MAZ: variants seen among roughly 807,000 people sequenced by gnomAD.
MAZ encodes myc-associated zinc finger protein.
MAZ carries 4 observed loss-of-function variants against 32.7 expected under a neutral mutation model. That is an observed-to-expected ratio of 0.12 (90% CI 0.06 to 0.28). MAZ has a LOEUF of 0.28. Ranked by LOEUF, MAZ falls within the 10% of genes least tolerant of loss-of-function variation. The pLI is 1.00. For missense variants in MAZ, 763 were observed against 667.2 expected (o/e 1.14, Z -1.58); for synonymous variants, 510 against 297.6 (o/e 1.71, Z -7.35).
In MAZ at chr16:29,807,289, C is replaced by G; in HGVS notation, c.504C>G (p.Thr168=). ...AAAATAVVAP[T]STVAVAPVAS... The stretch of plus-strand genomic sequence containing the variant: ...CGGCCACCGCCGTCGTAGCCCCAAC[C>G]TCGACGGTCGCCGTGGCCCCGGTCG... Residue 168 remains threonine (T), a synonymous_variant, in exon 2 of 5, where the codon ACC becomes ACG. Transcript: ENST00000322945. 6 of 1,551,578 alleles carry G rather than the reference C, an allele frequency of 3.9e-6. No individual in the cohort carries two copies. Among genetic ancestry groups the G allele is most frequent in the Non-Finnish European group, 5.2e-6 (6 of 1,152,070 alleles).
In MAZ at chr16:29,807,718, G is replaced by A. The variant is rs1899604757; in HGVS notation, c.933G>A (p.Val311=). Residue 311 remains valine, a synonymous_variant, in exon 2 of 5, where the codon GTG becomes GTA. Coordinates refer to ENST00000322945, the MANE Select transcript of MAZ (RefSeq NM_002383.4). ...HSDEKPYQCP[V]CQQRFKRKDR... ...ACGAGAAGCCCTACCAGTGCCCGGT[G>A]TGCCAGCAGCGCTTCAAGCGCAAGG... The A allele has an allele frequency of 6.2e-7, 1 of 1,612,802 alleles. No individual in the cohort carries two copies. The highest frequency in any genetic ancestry group is 1.3e-5 in the African/African-American group (1 of 74,942).
chr16:29,806,187 ACTCC>A, upstream of MAZ: 1 of 573,798 alleles, frequency 1.7e-6, no homozygotes, highest in Non-Finnish European at 2.4e-6. Context: ...CCAGGTAACA[ACTCC>A]CTCCCCCCGC....
intron 3 of MAZ, 106 bp from the exon 4 acceptor site, chr16:29,808,464 A>G: frequency 9.9e-7 from 1 of 1,011,038 alleles, no homozygotes. Context: ...CCTACAGATC[A>G]AAGATCCCCA....
At chr16:29,808,794 C>G in intron 4 of MAZ, 53 bp downstream of exon 4, 4 of 1,576,926 alleles carry the variant, frequency 2.5e-6, no homozygotes, top group Non-Finnish European at 3.5e-6. Context: ...GGCGCCTGGC[C>G]AGACGCCTTG....
chr16:29,809,168 G>C (rs1337875058), intron 4 of MAZ: 1 of 492,324 alleles, frequency 2.0e-6, no homozygotes, highest in East Asian at 3.6e-5. Context: ...CCTTCAGTCA[G>C]ACTCACCGGT....
chr16:29,810,337 G>C lies in MAZ; in HGVS notation c.*106G>C, dbSNP rs916596834. 34 of 1,159,552 alleles carry C rather than the reference G, an allele frequency of 2.9e-5. No individual in the cohort carries two copies. The highest frequency in any genetic ancestry group is 3.5e-5 in the Non-Finnish European group (28 of 797,664). 71.8% of individuals were successfully genotyped at this position (1,159,552 alleles called of 1,614,324 possible). On this transcript the variant is annotated 3_prime_UTR_variant, in exon 5 of 5. Transcript: ENST00000322945. Reference sequence around the variant, plus strand: ...CAACTCCTATTTCCCTACCAACCAAGGAGCCTCCAGAAGGAAAGGAGGAAG... The same window carrying C: ...CAACTCCTATTTCCCTACCAACCAACGAGCCTCCAGAAGGAAAGGAGGAAG...
chr16:29,807,665 CTGAA>C lies in MAZ; in HGVS notation c.881_884del (p.Leu294ProfsTer28). The C allele has an allele frequency of 6.2e-7, 1 of 1,612,912 alleles. No individual in the cohort carries two copies. Among genetic ancestry groups the C allele is most frequent in the Non-Finnish European group, 8.5e-7 (1 of 1,179,962 alleles). ...CAAGGCCTTCCGCGACGTCTACCAC[CTGAA>C]CCGACACAAGCTGTCGCACTCGGAC... On this transcript the variant is annotated frameshift_variant, in exon 2 of 5. Coordinates refer to ENST00000322945, the MANE Select transcript of MAZ (RefSeq NM_002383.4). LOFTEE classifies it high-confidence loss of function.
At chr16:29,808,836 A>G (rs765892059) in intron 4 of MAZ, 95 bp downstream of exon 4, 1 of 1,302,126 alleles carries the variant, frequency 7.7e-7, no homozygotes, top group South Asian at 1.4e-5. Flanking sequence ...GCTGTAGCCA[A>G]GAGCTCGTGG....
chr16:29,807,803 T>C lies in MAZ; in HGVS notation c.1018T>C (p.Ser340Pro), dbSNP rs968761986. ...CGCTGTGCACAAGCCCTACAACTGCTCCCACTGTGGCAAGAGCTTCTCCCG... is the reference window on the plus strand; with the variant it reads ...CGCTGTGCACAAGCCCTACAACTGCCCCCACTGTGGCAAGAGCTTCTCCCG... ...DGAVHKPYNC[S>P]HCGKSFSRPD... Residue 340 changes from serine (S) to proline (P), a missense_variant, in exon 2 of 5, where the codon TCC (serine) becomes CCC (proline). By Grantham distance (74) the Ser-to-Pro change is moderately conservative. Coordinates refer to ENST00000322945, the MANE Select transcript of MAZ (RefSeq NM_002383.4). 4 of 1,609,574 alleles carry C rather than the reference T, an allele frequency of 2.5e-6. No homozygotes were observed. Among genetic ancestry groups the C allele is most frequent in the Non-Finnish European group, 2.5e-6 (3 of 1,179,780 alleles).
At chr16:29,808,824 G>C (rs764808375) in intron 4 of MAZ, 83 bp downstream of exon 4, 1 of 1,420,786 alleles carries the variant, frequency 7.0e-7, no homozygotes, top group Non-Finnish European at 9.6e-7. Flanking sequence ...CGGGTTAAGG[G>C]TGCTGTAGCC....
rs1041384519 is a variant in MAZ at position 29,810,305 on chromosome 16, T to C, written c.*74T>C. On this transcript the variant is annotated 3_prime_UTR_variant, in exon 5 of 5. Coordinates refer to ENST00000322945, the MANE Select transcript of MAZ (RefSeq NM_002383.4). Reference sequence around the variant, plus strand: ...GGTACAAGCTCCTCTCCCCCCTCTTTTCCCACCAACTCCTATTTCCCTACC... The same window carrying C: ...GGTACAAGCTCCTCTCCCCCCTCTTCTCCCACCAACTCCTATTTCCCTACC... 1.4e-6 allele frequency: 2 copies of C among 1,429,220 alleles called. No individual in the cohort carries two copies. The highest frequency in any genetic ancestry group is 2.8e-5 in the African/African-American group (2 of 70,670). The allele number at this position is 1,429,220 out of a possible 1,614,324, so 88.5% of individuals were successfully genotyped here.
At chr16:29,809,374 CTG>C in intron 4 of MAZ, 1 of 606,624 alleles carries the variant, frequency 1.6e-6, no homozygotes, top group East Asian at 2.8e-5. Context: ...CAGGGAGGGG[CTG>C]TGTCTACCAG....
intron 4 of MAZ, chr16:29,809,460 C>T: frequency 2.3e-6 from 2 of 874,862 alleles, no homozygotes; most frequent in Admixed American, 2.1e-5. Flanking sequence ...AGGAGGGCAT[C>T]CCCCGCCTAG....
rs1377507423 is a variant in MAZ at position 29,807,135 on chromosome 16, C to T, written c.350C>T (p.Ala117Val). 4.8e-6 allele frequency: 5 copies of T among 1,039,630 alleles called. No homozygotes were observed. The highest frequency in any genetic ancestry group is 5.9e-6 in the Non-Finnish European group (5 of 843,794). 64.4% of individuals were successfully genotyped at this position (1,039,630 alleles called of 1,614,324 possible). ...AAVAAAPPAP[A>V]AASTVDTAAL... The stretch of plus-strand genomic sequence containing the variant: ...GTCGCTGCCGCGCCCCCGGCCCCTG[C>T]CGCCGCCTCTACGGTGGACACAGCG... Residue 117 changes from alanine (A) to valine (V), a missense_variant, in exon 2 of 5, where the codon GCC (alanine) becomes GTC (valine). Transcript: ENST00000322945.
chr16:29,806,981 GCGCCGGCGCCCCCGCCCA>G lies in MAZ; in HGVS notation c.201_218del (p.Ala68_Pro73del). ...ACTCGGCGCCTTGTCTCCGCAGGCC[GCGCCGGCGCCCCCGCCCA>G]CGCCCCAGGCCCCGGCGGCCGAGCC... On this transcript the variant is annotated inframe_deletion, in exon 2 of 5. Coordinates refer to ENST00000322945, the MANE Select transcript of MAZ (RefSeq NM_002383.4). The G allele has an allele frequency of 9.8e-7, 1 of 1,023,908 alleles. No homozygotes were observed. The highest frequency in any genetic ancestry group is 1.2e-6 in the Non-Finnish European group (1 of 859,236). 63.4% of individuals were successfully genotyped at this position (1,023,908 alleles called of 1,614,324 possible).
In MAZ at chr16:29,807,538, G is replaced by C; in HGVS notation, c.753G>C (p.Ala251=). 6.2e-7 allele frequency: 1 copy of C among 1,601,534 alleles called. No homozygotes were observed. The highest frequency in any genetic ancestry group is 8.5e-7 in the Non-Finnish European group (1 of 1,175,444). The change falls in exon 2 of 5, where the codon GCG becomes GCC. Residue 251 remains alanine, a synonymous_variant. Coordinates refer to ENST00000322945, the MANE Select transcript of MAZ (RefSeq NM_002383.4). The stretch of plus-strand genomic sequence containing the variant: ...GAGCCGGCGGGGGAGGGGGAGAGGC[G>C]GGTGCCGGCGGCGGCGCTGCCGCAG... ...LSGAGGGGGE[A]GAGGGAAAVA... is the part of the protein sequence containing the mutation.
rs767355862 is a variant in MAZ at position 29,809,753 on chromosome 16, C to CGCACCCACCAG, written c.1280-320_1280-310dup. The CGCACCCACCAG allele has an allele frequency of 3.1e-4, 447 of 1,420,490 alleles. 3 individuals carry two copies. In the South Asian group the frequency reaches 6.1e-3, roughly 20 times the overall value. The allele number at this position is 1,420,490 out of a possible 1,614,324, so 88.0% of individuals were successfully genotyped here. A position where few individuals can be genotyped will look rare whatever the true frequency, so the allele number is the denominator to read the frequency against. ...CAGCCCACCTGCTGAGGGGGACCCC[C>CGCACCCACCAG]GCACCCACCAGGCAAGGCGTGGGGC... On this transcript the variant is annotated intron_variant, in intron 4 of 4. Transcript: ENST00000322945.
chr16:29,808,110 C>G (rs1345099683), intron 2 of MAZ, 120 bp from the exon 3 acceptor site: 3 of 1,029,496 alleles, frequency 2.9e-6, no homozygotes, highest in Non-Finnish European at 4.4e-6. Context: ...GCTTAAGTGT[C>G]GCTGTGACGG....
chr16:29,809,801 G>A (rs1899808109), intron 4 of MAZ: 3 of 1,159,582 alleles, frequency 2.6e-6, no homozygotes, highest in African/African-American at 1.6e-5. Context: ...CGGGATGGGG[G>A]GTGTGGGGGA....
Sources: gnomAD v4.1 joint callset for allele counts on GRCh38, gnomAD v4.1.1 for gene constraint, MANE v1.5 for transcripts, NCBI Gene and HGNC (gene_info 2026-07-23, HGNC 2026-07-21) for gene names.